Variants in NT5C3A observed in about 807,000 individuals in gnomAD.
NT5C3A encodes cytosolic 5'-nucleotidase 3A.
In NT5C3A, 23 loss-of-function variants were observed where a neutral mutation model predicts 40.0. The observed-to-expected ratio is 0.58, with a 90% CI of 0.41 to 0.81. NT5C3A has a LOEUF of 0.81. NT5C3A is among the 40% of genes least tolerant of loss of function. The probability of loss-of-function intolerance (pLI) is 0.00; values close to 1 mark genes in which losing one functional copy is unlikely to be tolerated. For missense variants in NT5C3A, 328 were observed against 403.0 expected (o/e 0.81, Z 1.59); for synonymous variants, 130 against 141.4 (o/e 0.92, Z 0.57).
intron 1 of NT5C3A, 82 bp from the exon 2 acceptor site, chr7:33,026,997 A>C (rs966201989): frequency 2.4e-6 from 2 of 828,436 alleles, no homozygotes; most frequent in Non-Finnish European, 3.9e-6. Flanking sequence ...AACCTGTCTT[A>C]TTTAAAGACA....
chr7:33,054,947 C>T (rs545980544), intron 1 of NT5C3A, among the ~76,000 whole-genome samples: 1 of 152,216 alleles, frequency 6.6e-6, no homozygotes, highest in African/African-American at 2.4e-5. Context: ...CTAGGACATA[C>T]AAAGGAGGTG....
At chr7:33,048,144 G>A (rs1263035517) in intron 1 of NT5C3A, among the ~76,000 whole-genome samples, 2 of 151,138 alleles carry the variant, frequency 1.3e-5, no homozygotes, top group Admixed American at 6.6e-5. Context: ...ACCATAAATG[G>A]CGTCTTCATT....
Position 33,026,305 on chromosome 7 carries a change from C to T in NT5C3A, c.237+512G>A, listed in dbSNP as rs1485612782. On this transcript the variant is annotated intron_variant, in intron 2 of 8. Transcript: ENST00000610140. ...AGCAGGTTGCAGTGAGCCAGGATTG[C>T]GCCACTGCACTCCAGGCTGGGCAAC... Among the ~76,000 whole-genome samples the T allele has an allele frequency of 8.1e-5, 11 of 135,702 alleles. 1 individual carries two copies. The South Asian group carries it at 1.2e-3, about 14-fold the overall frequency. The allele number at this position is 135,702 out of a possible 152,430, so 89.0% of individuals were successfully genotyped here.
intron 1 of NT5C3A, among the ~76,000 whole-genome samples, chr7:33,061,002 G>C (rs963970793): frequency 1.3e-5 from 2 of 152,146 alleles, no homozygotes; most frequent in Admixed American, 6.6e-5. Context: ...ATTCTAGATA[G>C]GTCTTCATTA....
chr7:33,043,282 ATCTT>A (rs1787007400), intron 1 of NT5C3A, among the ~76,000 whole-genome samples: 1 of 152,240 alleles, frequency 6.6e-6, no homozygotes, highest in Non-Finnish European at 1.5e-5. Flanking sequence ...AGAAGGAAAA[ATCTT>A]TATACAAGTA....
chr7:33,036,319 G>T, intron 1 of NT5C3A: 1 of 340,464 alleles, frequency 2.9e-6, no homozygotes, highest in South Asian at 2.8e-5. Context: ...GGGCAGATGT[G>T]ACAAGAGTGA....
intron 1 of NT5C3A, chr7:33,038,902 T>C (rs1389277410): frequency 6.6e-6 from 3 of 456,378 alleles, no homozygotes; most frequent in African/African-American, 4.0e-5. Context: ...TGTTCAAAAA[T>C]AGAAAATACT....
chr7:33,044,428 T>C (rs1468684703), intron 1 of NT5C3A, among the ~76,000 whole-genome samples: 1 of 152,164 alleles, frequency 6.6e-6, no homozygotes, highest in Non-Finnish European at 1.5e-5. Context: ...GATATGGAAG[T>C]ACGAAGTTGT....
intron 5 of NT5C3A, 36 bp downstream of exon 5, chr7:33,021,236 T>A (rs377473636): frequency 5.2e-5 from 83 of 1,608,766 alleles, no homozygotes; most frequent in South Asian, 6.7e-5. Flanking sequence ...TTTTATTATT[T>A]TTTTTTAATC....
intron 1 of NT5C3A, among the ~76,000 whole-genome samples, chr7:33,047,786 TATG>T (rs1490835209): frequency 2.0e-5 from 3 of 152,224 alleles, no homozygotes; most frequent in Non-Finnish European, 4.4e-5. Flanking sequence ...ACGTGTATTG[TATG>T]ATATAAAAAG....
chr7:33,016,104 A>G (rs1785311366), intron 7 of NT5C3A, among the ~76,000 whole-genome samples: 1 of 152,164 alleles, frequency 6.6e-6, no homozygotes, highest in African/African-American at 2.4e-5. Flanking sequence ...GGCCGGGCGC[A>G]GGGGCTCACA....
chr7:33,026,611 C>A (rs141099897), intron 2 of NT5C3A, among the ~76,000 whole-genome samples: 4,311 of 151,954 alleles, frequency 0.028, 91 homozygotes, highest in South Asian at 0.12. Flanking sequence ...CCCGCCTCGG[C>A]CTCCCAAAGT....
intron 1 of NT5C3A, among the ~76,000 whole-genome samples, chr7:33,060,506 G>T (rs144182052): frequency 9.3e-4 from 140 of 151,226 alleles, no homozygotes; most frequent in African/African-American, 3.1e-3. Context: ...TGCCCTATGG[G>T]ATATTTCAGC....
At chr7:33,032,942 G>A (rs1311817854) in intron 1 of NT5C3A, among the ~76,000 whole-genome samples, 1 of 151,962 alleles carries the variant, frequency 6.6e-6, no homozygotes, top group African/African-American at 2.4e-5. Flanking sequence ...TTGTAGAGAC[G>A]GGTCTCACTA....
At chr7:33,049,152 T>C (rs1402177591) in intron 1 of NT5C3A, among the ~76,000 whole-genome samples, 1 of 152,122 alleles carries the variant, frequency 6.6e-6, no homozygotes, top group Non-Finnish European at 1.5e-5. Context: ...AAACATCAAG[T>C]GAAATAAAAT....
At chr7:33,047,994 GTA>G (rs1181355192) in intron 1 of NT5C3A, among the ~76,000 whole-genome samples, 5 of 100,026 alleles carry the variant, frequency 5.0e-5, no homozygotes, top group East Asian at 2.2e-4. Flanking sequence ...TTTTATATGT[GTA>G]TGTGTGTGTG....
At chr7:33,062,464 C>T (rs1176222865) in intron 1 of NT5C3A, 104 bp downstream of exon 1, 1 of 1,049,290 alleles carries the variant, frequency 9.5e-7, no homozygotes, top group East Asian at 2.7e-5. Context: ...ACGCCGGCAG[C>T]TCCCCGTCGC....
At chr7:33,048,505 C>G (rs1787244180) in intron 1 of NT5C3A, among the ~76,000 whole-genome samples, 1 of 152,116 alleles carries the variant, frequency 6.6e-6, no homozygotes, top group Non-Finnish European at 1.5e-5. Context: ...TATAGTGAAT[C>G]ACATGATCGA....
At chr7:33,031,305 C>T (rs1293723883) in intron 1 of NT5C3A, among the ~76,000 whole-genome samples, 4 of 150,820 alleles carry the variant, frequency 2.7e-5, no homozygotes, top group South Asian at 4.2e-4. Flanking sequence ...AAAGAAAACA[C>T]GGCCGGGCAT....
Sources: gnomAD v4.1 joint callset for allele counts (sites outside exome capture counted in the v4.1 genomes callset) on GRCh38, gnomAD v4.1.1 for gene constraint, MANE v1.5 for transcripts, NCBI Gene and HGNC (gene_info 2026-07-23, HGNC 2026-07-21) for gene names.